Variants in DLG2 observed in about 807,000 individuals in gnomAD.
DLG2 encodes the protein disks large homolog 2.
A neutral mutation model predicts 132.5 loss-of-function variants in DLG2; 45 were observed. That is an observed-to-expected ratio of 0.34 (90% CI 0.27 to 0.44). The LOEUF (loss-of-function observed/expected upper bound fraction) is 0.44. Ranked by LOEUF, DLG2 falls within the 20% of genes least tolerant of loss-of-function variation. The pLI, the probability that DLG2 is intolerant of heterozygous loss-of-function variation, is 1.00. For synonymous variants in DLG2, 424 were observed against 419.6 expected (o/e 1.01, Z -0.13); for missense variants, 1,045 against 1,196.9 (o/e 0.87, Z 1.87).
At chr11:85,136,801 C>T (rs1468164965) in intron 5 of DLG2, among the ~76,000 whole-genome samples, 2 of 152,086 alleles carry the variant, frequency 1.3e-5, no homozygotes, top group East Asian at 1.9e-4. Flanking sequence ...ATCTAAGCCC[C>T]TTGAGGGCAG....
intron 6 of DLG2, among the ~76,000 whole-genome samples, chr11:84,633,674 T>C (rs1269990255): frequency 1.3e-5 from 2 of 152,122 alleles, no homozygotes; most frequent in African/African-American, 2.4e-5. Context: ...TATATATTGA[T>C]ACAGAGCCTG....
intron 6 of DLG2, among the ~76,000 whole-genome samples, chr11:84,958,689 T>C (rs2052060961): frequency 6.6e-6 from 1 of 152,166 alleles, no homozygotes; most frequent in African/African-American, 2.4e-5. Context: ...GTGGGAGTAC[T>C]CTTTTGGGAG....
rs1015258396 is a variant in DLG2 at position 84,368,629 on chromosome 11, AT to A, written c.520-117339del. 4.1e-4 allele frequency among the ~76,000 whole-genome samples: 62 copies of A among 152,260 alleles called. 1 individual carries two copies. The highest frequency in any genetic ancestry group is 1.5e-3 in the African/African-American group (61 of 41,570). The stretch of plus-strand genomic sequence containing the variant: ...CTTTAGATGCATCCTGGTTGTATTT[AT>A]TAGTGGCAATGTAACACTAAGTGAG... On this transcript the variant is annotated intron_variant, in intron 7 of 27. Coordinates refer to ENST00000376104, the MANE Select transcript of DLG2 (RefSeq NM_001142699.3).
intron 3 of DLG2, among the ~76,000 whole-genome samples, chr11:85,503,199 AT>A (rs1565597693): frequency 6.6e-6 from 1 of 152,134 alleles, no homozygotes; most frequent in Non-Finnish European, 1.5e-5. Context: ...GTACCATTAT[AT>A]TTTATACTTT....
chr11:85,029,343 T>A (rs2060818617), intron 6 of DLG2, among the ~76,000 whole-genome samples: 1 of 152,188 alleles, frequency 6.6e-6, no homozygotes, highest in Non-Finnish European at 1.5e-5. Flanking sequence ...CATTCACTGA[T>A]GTAGGTGACA....
intron 19 of DLG2, among the ~76,000 whole-genome samples, chr11:83,560,297 T>C (rs1018416165): frequency 6.6e-6 from 1 of 152,002 alleles, no homozygotes; most frequent in African/African-American, 2.4e-5. Flanking sequence ...TTTGTATTTT[T>C]AGTAGAGATG....
At chr11:84,736,238 A>G (rs1166490693) in intron 6 of DLG2, among the ~76,000 whole-genome samples, 2 of 151,888 alleles carry the variant, frequency 1.3e-5, no homozygotes, top group Non-Finnish European at 2.9e-5. Flanking sequence ...CTGTTTTGCC[A>G]TCTTTCCACC....
At chr11:85,069,542 A>G (rs1348541519) in intron 6 of DLG2, among the ~76,000 whole-genome samples, 1 of 152,180 alleles carries the variant, frequency 6.6e-6, no homozygotes, top group Non-Finnish European at 1.5e-5. Context: ...GCCAAAAGAC[A>G]CATGAAAAAA....
chr11:84,722,767 G>A (rs1297951051), intron 6 of DLG2, among the ~76,000 whole-genome samples: 1 of 152,154 alleles, frequency 6.6e-6, no homozygotes, highest in African/African-American at 2.4e-5. Flanking sequence ...AGTTACACCT[G>A]GTTCTAACTG....
chr11:84,831,256 C>T (rs1039998982), intron 6 of DLG2, among the ~76,000 whole-genome samples: 1 of 151,488 alleles, frequency 6.6e-6, no homozygotes, highest in Non-Finnish European at 1.5e-5. Context: ...AGATTAGACA[C>T]GTTTGGGGCA....
intron 6 of DLG2, among the ~76,000 whole-genome samples, chr11:84,800,127 G>A (rs2153955969): frequency 6.6e-6 from 1 of 152,258 alleles, no homozygotes; most frequent in South Asian, 2.1e-4. Flanking sequence ...TTAAAAATCT[G>A]TATGTACAAA....
In DLG2 at chr11:84,071,522, A is replaced by G. The variant is rs1488970547; in HGVS notation, c.750-12038T>C. On this transcript the variant is annotated intron_variant, in intron 10 of 27. Transcript: ENST00000376104. ...CTGGGCTCAATTATCCTCCTGCCTC[A>G]GCCTCCTGAGTATATCCTTTTCTTT... 2.0e-5 allele frequency among the ~76,000 whole-genome samples: 3 copies of G among 152,264 alleles called. No individual in the cohort carries two copies. The East Asian group carries it at 5.8e-4, about 29-fold the overall frequency.
At chr11:84,634,358 GTC>G (rs2099637103) in intron 6 of DLG2, among the ~76,000 whole-genome samples, 1 of 152,132 alleles carries the variant, frequency 6.6e-6, no homozygotes, top group Non-Finnish European at 1.5e-5. Flanking sequence ...AGCCTAAACT[GTC>G]TACTTATTTA....
chr11:85,564,495 C>T lies in DLG2; in HGVS notation c.40+34162G>A, dbSNP rs548203870. On this transcript the variant is annotated intron_variant, in intron 3 of 27. Coordinates refer to ENST00000376104, the MANE Select transcript of DLG2 (RefSeq NM_001142699.3). Reference sequence around the variant, plus strand: ...CTGGTGCTAGAACTCAATGTTCTAGCATCACTTGTTGAAAAGACTACCATC... The same window carrying T: ...CTGGTGCTAGAACTCAATGTTCTAGTATCACTTGTTGAAAAGACTACCATC... 2.0e-5 allele frequency among the ~76,000 whole-genome samples: 3 copies of T among 151,992 alleles called. No individual in the cohort carries two copies. In the South Asian group the frequency reaches 6.2e-4, roughly 31 times the overall value.
chr11:83,777,527 C>T (rs2094630828), intron 18 of DLG2, among the ~76,000 whole-genome samples: 1 of 152,178 alleles, frequency 6.6e-6, no homozygotes, highest in Non-Finnish European at 1.5e-5. Context: ...AAAAATCTAT[C>T]TGCAAGTTTA....
At chr11:83,651,039 T>C (rs1404286775) in intron 18 of DLG2, among the ~76,000 whole-genome samples, 3 of 152,218 alleles carry the variant, frequency 2.0e-5, no homozygotes, top group Non-Finnish European at 4.4e-5. Context: ...TATATATTCA[T>C]TTTTGCATTT....
chr11:85,522,527 T>G (rs957944910), intron 3 of DLG2, among the ~76,000 whole-genome samples: 17 of 152,078 alleles, frequency 1.1e-4, no homozygotes, highest in African/African-American at 4.1e-4. Flanking sequence ...CACCAACAGC[T>G]TGCACCCTGC....
At chr11:85,020,436 T>C (rs2059950439) in intron 6 of DLG2, among the ~76,000 whole-genome samples, 1 of 152,210 alleles carries the variant, frequency 6.6e-6, no homozygotes, top group African/African-American at 2.4e-5. Context: ...TAATGGTGGT[T>C]TCTTTTGCTC....
intron 6 of DLG2, among the ~76,000 whole-genome samples, chr11:84,729,674 T>A (rs923048857): frequency 2.0e-5 from 3 of 152,070 alleles, no homozygotes; most frequent in Non-Finnish European, 4.4e-5. Flanking sequence ...GGCCTTTATC[T>A]AAGTCATACT....
Sources: gnomAD v4.1 joint callset for allele counts (sites outside exome capture counted in the v4.1 genomes callset) on GRCh38, gnomAD v4.1.1 for gene constraint, MANE v1.5 for transcripts, NCBI Gene and HGNC (gene_info 2026-07-23, HGNC 2026-07-21) for gene names.